The following OR10H1 variants were observed in gnomAD, a reference collection of about 807,000 sequenced individuals.
The protein encoded by OR10H1 is olfactory receptor family 10 subfamily H member 1, also known as olfactory receptor 10H1.
A neutral mutation model predicts 13.1 loss-of-function variants in OR10H1; 12 were observed. That is an observed-to-expected ratio of 0.92 (90% CI 0.59 to 1.48). OR10H1 has a LOEUF of 1.48. Among genes scored for constraint, OR10H1 ranks in the 40% most tolerant of loss-of-function variants. The probability of loss-of-function intolerance (pLI) is 0.00; values close to 1 mark genes in which losing one functional copy is unlikely to be tolerated. For synonymous variants in OR10H1, 168 were observed against 175.6 expected, an observed-to-expected ratio of 0.96 and a Z score of 0.34; for missense variants, 363 against 413.1, an observed-to-expected ratio of 0.88 and a Z score of 1.05.
intron 1 of OR10H1, among the ~76,000 whole-genome samples, chr19:15,813,107 A>G (rs1157587697): frequency 6.6e-6 from 1 of 151,900 alleles, no homozygotes; most frequent in Non-Finnish European, 1.5e-5. Flanking sequence ...GTCAATGACA[A>G]TGTGTCAACA....
In OR10H1 at chr19:15,814,484, A is replaced by AG. The variant is rs2088955149; in HGVS notation, c.-778+1070dup. ...GTGTGTGTGTGTGTGTGTGTGTGAG[A>AG]GAGAGAGAGAGAGAGAGAGAGAGAG... On this transcript the variant is annotated intron_variant, in intron 1 of 3. Coordinates refer to ENST00000641419, the MANE Select transcript of OR10H1 (RefSeq NM_013940.4). Among the ~76,000 whole-genome samples, 9 of 34,754 alleles carry AG rather than the reference A, an allele frequency of 2.6e-4. 1 individual carries two copies. The highest frequency in any genetic ancestry group is 1.3e-3 in the Admixed American group (5 of 3,890). The allele number at this position is 34,754 out of a possible 152,430, so 22.8% of individuals were successfully genotyped here.
rs770707099 is a variant in OR10H1 at position 15,806,481 on chromosome 19, C to T, written c.*600G>A. 6.5e-6 allele frequency: 1 copy of T among 154,098 alleles called. No homozygotes were observed. Among genetic ancestry groups the T allele is most frequent in the Non-Finnish European group, 1.4e-5 (1 of 69,466 alleles). 9.5% of individuals were successfully genotyped at this position (154,098 alleles called of 1,614,324 possible). A position where few individuals can be genotyped will look rare whatever the true frequency, so the allele number is the denominator to read the frequency against. On this transcript the variant is annotated 3_prime_UTR_variant, in exon 4 of 4. Transcript: ENST00000641419. ...ACTGCAGTGGCACAGTCATAGTTCA[C>T]TGTAAGCTCAAACTTCTGGACTTAG... is the stretch of plus-strand genomic sequence containing the variant.
chr19:15,814,090 C>A (rs374279374), intron 1 of OR10H1, among the ~76,000 whole-genome samples: 1 of 152,004 alleles, frequency 6.6e-6, no homozygotes, highest in African/African-American at 2.4e-5. Context: ...ACGCTAGGGG[C>A]GAATCATTCT....
In OR10H1 at chr19:15,807,423, G is replaced by A; in HGVS notation, c.615C>T (p.Ile205=). The A allele has an allele frequency of 6.2e-7, 1 of 1,614,190 alleles. No individual in the cohort carries two copies. The highest frequency in any genetic ancestry group is 1.3e-5 in the African/African-American group (1 of 75,042). ...VVAKGVGLVC[I]TALLGCFLLI... ...GGAGAAAACAGCCCAGCAGGGCCGTGATACACACCAAGCCCACGCCTTTGG... is the reference window on the plus strand; with the variant it reads ...GGAGAAAACAGCCCAGCAGGGCCGTAATACACACCAAGCCCACGCCTTTGG... Residue 205 remains isoleucine (I), a synonymous_variant, in exon 4 of 4, where the codon ATC becomes ATT. Transcript: ENST00000641419.
chr19:15,812,229 C>T lies in OR10H1; in HGVS notation c.-129+1G>A, dbSNP rs2088936000. On this transcript the variant is annotated splice_donor_variant, in intron 2 of 3. Coordinates refer to ENST00000641419, the MANE Select transcript of OR10H1 (RefSeq NM_013940.4). LOFTEE classifies it low-confidence loss of function (5UTR_SPLICE). ...TTTTCCTAACCTCTTGTTATACTCA[C>T]CAGTTGCTGGTGGCTGTTTCAAAGG... 6.6e-6 allele frequency: 1 copy of T among 152,128 alleles called. No homozygotes were observed. 9.4% of individuals were successfully genotyped at this position (152,128 alleles called of 1,614,324 possible). A position where few individuals can be genotyped will look rare whatever the true frequency, so the allele number is the denominator to read the frequency against.
At position 15,808,061 on chromosome 19, in the gene OR10H1, G is replaced by A; in HGVS notation, c.-11-13C>T. ...ATGGAGGCTGTGCCTGGGGTGAGATGTGACAGGGAGATGTCAGTTACTGCA... is the reference window on the plus strand; with the variant it reads ...ATGGAGGCTGTGCCTGGGGTGAGATATGACAGGGAGATGTCAGTTACTGCA... On this transcript the variant is annotated splice_polypyrimidine_tract_variant and intron_variant, in intron 3 of 3. Coordinates refer to ENST00000641419, the MANE Select transcript of OR10H1 (RefSeq NM_013940.4). The A allele has an allele frequency of 6.3e-7, 1 of 1,585,006 alleles. No homozygotes were observed. Among genetic ancestry groups the A allele is most frequent in the Non-Finnish European group, 8.6e-7 (1 of 1,158,648 alleles).
In OR10H1 at chr19:15,807,056, T is replaced by C. The variant is rs752871567; in HGVS notation, c.*25A>G. 1 of 1,582,748 alleles carries C rather than the reference T, an allele frequency of 6.3e-7. No homozygotes were observed. Among genetic ancestry groups the C allele is most frequent in the Non-Finnish European group, 8.6e-7 (1 of 1,156,824 alleles). On this transcript the variant is annotated 3_prime_UTR_variant, in exon 4 of 4. Transcript: ENST00000641419. ...TTAACAATAGCCTTCGGTAATCCAA[T>C]TTAGTTGTTCCCAGTGAATTTCTCC... is the stretch of plus-strand genomic sequence containing the variant.
At position 15,807,151 on chromosome 19, in the gene OR10H1, T is replaced by C. The variant is rs148042819; in HGVS notation, c.887A>G (p.Lys296Arg). 2.8e-5 allele frequency: 46 copies of C among 1,614,132 alleles called. No homozygotes were observed. In the African/African-American group the frequency reaches 5.3e-4, roughly 19 times the overall value. ...LSPIIFSLRN[K>R]ELKVAMKKTF... ...CTTCTTCATGGCGACCTTCAGCTCC[T>C]TGTTCCTGAGGCTGAAGATGATGGG... The change falls in exon 4 of 4, where the codon AAG becomes AGG. Residue 296 changes from lysine to arginine, a missense_variant. Physicochemically the swap from Lys to Arg is conservative, Grantham distance 26. Coordinates refer to ENST00000641419, the MANE Select transcript of OR10H1 (RefSeq NM_013940.4).
Position 15,808,042 on chromosome 19 carries a change from G to T in OR10H1, c.-5C>A, listed in dbSNP as rs1326312670. 3 of 1,604,692 alleles carry T rather than the reference G, an allele frequency of 1.9e-6. No individual in the cohort carries two copies. The highest frequency in any genetic ancestry group is 3.3e-5 in the Admixed American group (2 of 59,838). ...GGAGTGATTGGCTCTCTGCATGGAG[G>T]CTGTGCCTGGGGTGAGATGTGACAG... On this transcript the variant is annotated 5_prime_UTR_variant, in exon 4 of 4. Transcript: ENST00000641419.
rs2088942365 is a variant in OR10H1, at chr19:15,812,830, T to C, written c.-729A>G. 1 of 152,060 alleles carries C rather than the reference T, an allele frequency of 6.6e-6. No individual in the cohort carries two copies. The highest frequency in any genetic ancestry group is 2.1e-4 in the South Asian group (1 of 4,824). 9.4% of individuals were successfully genotyped at this position (152,060 alleles called of 1,614,324 possible). On this transcript the variant is annotated 5_prime_UTR_variant, in exon 2 of 4. Transcript: ENST00000641419. ...TAGCTGAGGGCTGCATGTAACACCG[T>C]CTGGAATGATGGGATGCAGAATGCA...
At position 15,807,016 on chromosome 19, in the gene OR10H1, C is replaced by T. The variant is rs2088899093; in HGVS notation, c.*65G>A. ...TGCTGGGATTACAGGCATGAGTCAC[C>T]ACGGAACGTAATTTTTAACAATAGC... On this transcript the variant is annotated 3_prime_UTR_variant, in exon 4 of 4. Transcript: ENST00000641419. 1 of 1,473,114 alleles carries T rather than the reference C, an allele frequency of 6.8e-7. No individual in the cohort carries two copies. Among genetic ancestry groups the T allele is most frequent in the Non-Finnish European group, 9.3e-7 (1 of 1,073,720 alleles). 91.3% of individuals were successfully genotyped at this position (1,473,114 alleles called of 1,614,324 possible). A position where few individuals can be genotyped will look rare whatever the true frequency, so the allele number is the denominator to read the frequency against.
intron 2 of OR10H1, among the ~76,000 whole-genome samples, chr19:15,810,008 T>C (rs2088924469): frequency 1.3e-5 from 2 of 152,002 alleles, no homozygotes; most frequent in Non-Finnish European, 2.9e-5. Flanking sequence ...AATTTGGCAA[T>C]GTGTGACCAG....
In OR10H1 at chr19:15,807,065, T is replaced by C; in HGVS notation, c.*16A>G. ...GCCTTCGGTAATCCAATTTAGTTGT[T>C]CCCAGTGAATTTCTCCTACATCATT... On this transcript the variant is annotated 3_prime_UTR_variant, in exon 4 of 4. Transcript: ENST00000641419. The C allele has an allele frequency of 5.0e-6, 8 of 1,598,292 alleles. No homozygotes were observed. Among genetic ancestry groups the C allele is most frequent in the Non-Finnish European group, 6.8e-6 (8 of 1,169,542 alleles).
At chr19:15,811,914 C>T (rs916960) in intron 2 of OR10H1, among the ~76,000 whole-genome samples, 58,947 of 152,008 alleles carry the variant, frequency 0.39, 12,232 homozygotes, top group African/African-American at 0.51. Flanking sequence ...TTGTGAATCC[C>T]TGAAGCCAAG....
intron 1 of OR10H1, among the ~76,000 whole-genome samples, chr19:15,814,212 A>G (rs966249398): frequency 1.3e-5 from 2 of 152,050 alleles, no homozygotes; most frequent in Non-Finnish European, 2.9e-5. Flanking sequence ...AAATGTCCTT[A>G]TACGTTGTCA....
intron 1 of OR10H1, among the ~76,000 whole-genome samples, chr19:15,813,522 G>GAGAGGTGGGGAGAGAAAGAA: frequency 6.6e-6 from 1 of 151,688 alleles, no homozygotes. Flanking sequence ...GAAACAGAGA[G>GAGAGGTGGGGAGAGAAAGAA]AGAGAGGTGG....
chr19:15,809,472 T>C (rs552384946), intron 2 of OR10H1, among the ~76,000 whole-genome samples: 2 of 152,004 alleles, frequency 1.3e-5, no homozygotes, highest in South Asian at 4.2e-4. Flanking sequence ...TTATTTTTTA[T>C]TATAGAGATG....
chr19:15,808,212 C>T (rs2088914427), intron 3 of OR10H1, 164 bp from the exon 4 acceptor site: 5 of 620,204 alleles, frequency 8.1e-6, no homozygotes, highest in Admixed American at 3.0e-5. Flanking sequence ...CTAGTGAGAA[C>T]GGTACTATTT....
In OR10H1 at chr19:15,806,185, G is replaced by A. The variant is rs912667121; in HGVS notation, c.*896C>T. The A allele has an allele frequency of 3.3e-5, 5 of 152,144 alleles. No homozygotes were observed. The highest frequency in any genetic ancestry group is 5.9e-5 in the Non-Finnish European group (4 of 68,024). The allele number at this position is 152,144 out of a possible 1,614,324, so 9.4% of individuals were successfully genotyped here. ...TAGATGACCCTGGCTTTTGGCAAGA[G>A]GAGTCTAGATGGAGGTTTGGTGCTA... On this transcript the variant is annotated 3_prime_UTR_variant, in exon 4 of 4. Transcript: ENST00000641419.
Sources: gnomAD v4.1 joint callset for allele counts (sites outside exome capture counted in the v4.1 genomes callset) on GRCh38, gnomAD v4.1.1 for gene constraint, MANE v1.5 for transcripts, NCBI Gene and HGNC (gene_info 2026-07-23, HGNC 2026-07-21) for gene names.